Variants in SIK3 observed in about 807,000 individuals in gnomAD.
SIK3 encodes serine/threonine-protein kinase SIK3.
A neutral mutation model predicts 144.2 loss-of-function variants in SIK3; 28 were observed. The ratio of observed to expected loss-of-function variants is 0.19; its 90% CI spans 0.14 to 0.27. The LOEUF (loss-of-function observed/expected upper bound fraction) is 0.27, where lower values mean the gene tolerates loss of function less well. SIK3 is among the 10% of genes least tolerant of loss of function. The pLI is 1.00. For missense variants in SIK3, 1,319 were observed against 1,776.0 expected (o/e 0.74, Z 4.62); for synonymous variants, 686 against 676.3 (o/e 1.01, Z -0.22).
chr11:116,876,297 A>G lies in SIK3; in HGVS notation c.1051T>C (p.Leu351=). 2 of 1,614,236 alleles carry G rather than the reference A, an allele frequency of 1.2e-6. No individual in the cohort carries two copies. The highest frequency in any genetic ancestry group is 3.3e-5 in the Admixed American group (2 of 60,030). ...TCCAGTCCCATGTCCTCCATGGCCA[A>G]GAGGACATCCTCATTCAGGGGGTCC... ...QVDPLNEDVL[L]AMEDMGLDKE... Residue 351 remains leucine, a synonymous_variant, in exon 8 of 25, where the codon TTG becomes CTG. Coordinates refer to ENST00000445177, the MANE Select transcript of SIK3 (RefSeq NM_001366686.3).
chr11:116,978,512 T>G (rs892792102), intron 1 of SIK3, among the ~76,000 whole-genome samples: 2 of 147,110 alleles, frequency 1.4e-5, no homozygotes, highest in East Asian at 2.0e-4. Context: ...ATCATACTCG[T>G]TTTTTTTTTG....
At chr11:117,076,319 C>T (rs1221329874) in intron 1 of SIK3, among the ~76,000 whole-genome samples, 1 of 152,162 alleles carries the variant, frequency 6.6e-6, no homozygotes, top group Non-Finnish European at 1.5e-5. Context: ...AGATTCACCA[C>T]AGGACCCCAG....
chr11:117,071,882 G>A (rs965649977), intron 1 of SIK3, among the ~76,000 whole-genome samples: 4 of 144,584 alleles, frequency 2.8e-5, no homozygotes, highest in Non-Finnish European at 6.0e-5. Context: ...GCCTTCCAAA[G>A]TACCGGGATT....
At chr11:116,901,635 CATAA>C (rs1565430178) in intron 4 of SIK3, among the ~76,000 whole-genome samples, 2 of 152,172 alleles carry the variant, frequency 1.3e-5, no homozygotes, top group East Asian at 1.9e-4. Flanking sequence ...TATTTGAATA[CATAA>C]ATAATGTATT....
intron 13 of SIK3, 148 bp downstream of exon 13, chr11:116,873,333 G>A (rs776642051): frequency 1.5e-5 from 15 of 1,034,372 alleles, no homozygotes; most frequent in Non-Finnish European, 2.1e-5. Context: ...AACTCTACTG[G>A]CCTGAAGAAA....
intron 4 of SIK3, among the ~76,000 whole-genome samples, chr11:116,903,922 G>C (rs189036333): frequency 2.0e-5 from 3 of 152,264 alleles, no homozygotes; most frequent in Admixed American, 6.5e-5. Context: ...ATCTGAACTT[G>C]AACCTAGAAA....
intron 1 of SIK3, among the ~76,000 whole-genome samples, chr11:117,002,491 C>T (rs560394743): frequency 6.6e-6 from 1 of 152,046 alleles, no homozygotes; most frequent in African/African-American, 2.4e-5. Flanking sequence ...TACCAGCATC[C>T]GTCTTAGATC....
chr11:117,044,992 G>A (rs556412404), intron 1 of SIK3, among the ~76,000 whole-genome samples: 1 of 152,302 alleles, frequency 6.6e-6, no homozygotes, highest in South Asian at 2.1e-4. Flanking sequence ...ATCTTTCTTG[G>A]CTTCAAACAA....
chr11:116,870,005 G>C, intron 14 of SIK3: 1 of 843,606 alleles, frequency 1.2e-6, no homozygotes, highest in Non-Finnish European at 1.7e-6. Flanking sequence ...GTTCTTGGCA[G>C]GTACGAGCAG....
At chr11:116,860,341 G>C (rs2134414930) in intron 19 of SIK3, among the ~76,000 whole-genome samples, 1 of 152,236 alleles carries the variant, frequency 6.6e-6, no homozygotes, top group African/African-American at 2.4e-5. Context: ...CTTTAAGTAG[G>C]AAGAGCCTAG....
intron 1 of SIK3, among the ~76,000 whole-genome samples, chr11:116,973,547 T>C (rs967685021): frequency 6.6e-6 from 1 of 152,140 alleles, no homozygotes; most frequent in African/African-American, 2.4e-5. Flanking sequence ...TTGCACAAAA[T>C]GCTATCAAAA....
chr11:117,083,880 A>C (rs1954894059), intron 1 of SIK3, among the ~76,000 whole-genome samples: 1 of 152,232 alleles, frequency 6.6e-6, no homozygotes, highest in Non-Finnish European at 1.5e-5. Context: ...AACAGATATA[A>C]ACCTCTTAAA....
intron 1 of SIK3, among the ~76,000 whole-genome samples, chr11:117,090,386 G>GAA (rs541351351): frequency 4.7e-5 from 6 of 126,926 alleles, no homozygotes; most frequent in Admixed American, 2.4e-4. Context: ...TTAGGATAAT[G>GAA]AAAAAAAAAA....
intron 1 of SIK3, among the ~76,000 whole-genome samples, chr11:117,003,665 C>A (rs1457538637): frequency 1.3e-5 from 2 of 152,094 alleles, no homozygotes; most frequent in African/African-American, 4.8e-5. Flanking sequence ...CCATGCCAGG[C>A]ACACAGTAAG....
chr11:117,038,545 C>G (rs1952609758), intron 1 of SIK3, among the ~76,000 whole-genome samples: 1 of 151,616 alleles, frequency 6.6e-6, no homozygotes, highest in Non-Finnish European at 1.5e-5. Context: ...TCAGTAGAGA[C>G]GAGGTTTCAC....
intron 4 of SIK3, among the ~76,000 whole-genome samples, chr11:116,914,257 A>G (rs1001672345): frequency 2.1e-5 from 3 of 144,134 alleles, no homozygotes; most frequent in Non-Finnish European, 4.5e-5. Context: ...CGCCCAGGCT[A>G]GAGTGCAATG....
At position 116,844,045 on chromosome 11, in the gene SIK3, T is replaced by C. The variant is rs1420241156; in HGVS notation, c.*1598A>G. The C allele has an allele frequency of 6.6e-6, 1 of 152,108 alleles. No individual in the cohort carries two copies. Among genetic ancestry groups the C allele is most frequent in the African/African-American group, 2.4e-5 (1 of 41,432 alleles). 9.4% of individuals were successfully genotyped at this position (152,108 alleles called of 1,614,324 possible). On this transcript the variant is annotated 3_prime_UTR_variant, in exon 25 of 25. Transcript: ENST00000445177. Reference sequence around the variant, plus strand: ...AGACTAGGAGGGGACTCGGGACCTCTTGCTCTCCTTTCCCAGAAAAAAAAA... The same window carrying C: ...AGACTAGGAGGGGACTCGGGACCTCCTGCTCTCCTTTCCCAGAAAAAAAAA...
At chr11:117,054,421 T>C (rs142298243) in intron 1 of SIK3, among the ~76,000 whole-genome samples, 93 of 152,306 alleles carry the variant, frequency 6.1e-4, no homozygotes, top group African/African-American at 1.9e-3. Flanking sequence ...TGTGGTGTAG[T>C]GGGCCTTGGA....
At chr11:116,981,662 A>G (rs988171207) in intron 1 of SIK3, among the ~76,000 whole-genome samples, 2 of 152,166 alleles carry the variant, frequency 1.3e-5, no homozygotes, top group African/African-American at 4.8e-5. Context: ...TTATTTTCTT[A>G]CGCAAACTCA....
Sources: allele counts gnomAD v4.1 joint callset (sites outside exome capture counted in the v4.1 genomes callset), GRCh38; gene constraint gnomAD v4.1.1; transcripts MANE v1.5; gene names NCBI Gene and HGNC (gene_info 2026-07-23, HGNC 2026-07-21).